Variants in TMEM117 observed in about 807,000 individuals in gnomAD.
TMEM117 encodes transmembrane protein 117.
TMEM117 carries 27 observed loss-of-function variants against 52.4 expected under a neutral mutation model. That is an observed-to-expected ratio of 0.51 (90% CI 0.38 to 0.71). The LOEUF (loss-of-function observed/expected upper bound fraction) is 0.71. TMEM117 is among the 30% of genes least tolerant of loss of function. The pLI, the probability that TMEM117 is intolerant of heterozygous loss-of-function variation, is 0.00. For synonymous variants in TMEM117, 215 were observed against 206.3 expected, an observed-to-expected ratio of 1.04 and a Z score of -0.36; for missense variants, 556 against 630.5, an observed-to-expected ratio of 0.88 and a Z score of 1.26.
the TMEM117 span, chr12:43,806,426 T>TGGCCGCCGGGCTGCGGTCC: frequency 3.5e-6 from 4 of 1,130,992 alleles, no homozygotes; most frequent in African/African-American, 4.9e-5. Flanking sequence ...CCGCCCTTCC[T>TGGCCGCCGGGCTGCGGTCC]GGCCGCCGGG....
chr12:44,035,101 C>T (rs768583261), intron 3 of TMEM117, among the ~76,000 whole-genome samples: 3 of 152,178 alleles, frequency 2.0e-5, no homozygotes, highest in Admixed American at 6.5e-5. Flanking sequence ...CTGAGTCTCG[C>T]GCTTGCAGAT....
At chr12:44,230,574 C>T (rs1254703107) in intron 5 of TMEM117, among the ~76,000 whole-genome samples, 1 of 152,050 alleles carries the variant, frequency 6.6e-6, no homozygotes, top group Non-Finnish European at 1.5e-5. Context: ...CTGCCTACAT[C>T]CTTTCTTCCT....
intron 3 of TMEM117, among the ~76,000 whole-genome samples, chr12:44,069,190 A>G (rs1261517794): frequency 6.6e-6 from 1 of 152,216 alleles, no homozygotes; most frequent in African/African-American, 2.4e-5. Context: ...AAAATGTTAC[A>G]TTTTTATGGT....
intron 5 of TMEM117, among the ~76,000 whole-genome samples, chr12:44,215,029 A>G (rs963970807): frequency 3.3e-5 from 5 of 152,186 alleles, no homozygotes; most frequent in African/African-American, 1.2e-4. Context: ...GTATTTACAT[A>G]CTTTATGTCA....
chr12:43,842,180 AT>A (rs5797878), intron 1 of TMEM117, among the ~76,000 whole-genome samples: 2 of 151,944 alleles, frequency 1.3e-5, no homozygotes, highest in African/African-American at 4.8e-5. Flanking sequence ...ATAAAAGTTC[AT>A]TTTTTTTGTT....
chr12:44,396,961 A>G, the TMEM117 span, among the ~76,000 whole-genome samples: 1 of 152,198 alleles, frequency 6.6e-6, no homozygotes, highest in African/African-American at 2.4e-5. Context: ...TCTGCCAGTC[A>G]AATCCTTTCA....
At chr12:43,876,119 G>A (rs1420320975) in intron 2 of TMEM117, among the ~76,000 whole-genome samples, 1 of 152,166 alleles carries the variant, frequency 6.6e-6, no homozygotes, top group East Asian at 1.9e-4. Flanking sequence ...TGATCTGCAT[G>A]GTATCCAGTG....
chr12:44,311,811 A>ATG (rs1284434210), intron 6 of TMEM117, among the ~76,000 whole-genome samples: 6 of 103,844 alleles, frequency 5.8e-5, no homozygotes, highest in African/African-American at 2.9e-4. Context: ...ATATGTATAT[A>ATG]TGTATATATA....
At chr12:43,912,032 A>G (rs1177093750) in intron 2 of TMEM117, among the ~76,000 whole-genome samples, 1 of 119,582 alleles carries the variant, frequency 8.4e-6, no homozygotes, top group Non-Finnish European at 1.8e-5. Flanking sequence ...ATGCTGCTAT[A>G]AAGACACATG....
At chr12:43,995,711 G>A (rs1946018611) in intron 3 of TMEM117, among the ~76,000 whole-genome samples, 1 of 152,068 alleles carries the variant, frequency 6.6e-6, no homozygotes, top group South Asian at 2.1e-4. Flanking sequence ...CTAGTGATCT[G>A]GACTTTGTAT....
intron 2 of TMEM117, among the ~76,000 whole-genome samples, chr12:43,849,819 T>C (rs547473688): frequency 6.6e-6 from 1 of 152,304 alleles, no homozygotes; most frequent in South Asian, 2.1e-4. Context: ...TCCGAACTTG[T>C]CACCTCTCAT....
chr12:44,062,039 C>A (rs114051391), intron 3 of TMEM117, among the ~76,000 whole-genome samples: 128 of 152,192 alleles, frequency 8.4e-4, no homozygotes, highest in African/African-American at 2.9e-3. Context: ...ATGCCTAGAT[C>A]AACTTCATTA....
chr12:43,932,954 T>A (rs1944894962), intron 2 of TMEM117, among the ~76,000 whole-genome samples: 1 of 152,258 alleles, frequency 6.6e-6, no homozygotes, highest in African/African-American at 2.4e-5. Context: ...ATACTGTAAA[T>A]GTGGATGACA....
intron 3 of TMEM117, among the ~76,000 whole-genome samples, chr12:44,141,587 C>G (rs767427437): frequency 3.3e-5 from 5 of 152,044 alleles, no homozygotes; most frequent in African/African-American, 9.7e-5. Flanking sequence ...TCCACTCTAC[C>G]CCAAGATATT....
At chr12:44,022,745 A>G (rs964697686) in intron 3 of TMEM117, among the ~76,000 whole-genome samples, 3 of 152,218 alleles carry the variant, frequency 2.0e-5, no homozygotes, top group African/African-American at 4.8e-5. Flanking sequence ...AGTTTCCCCA[A>G]ATCATCAAAA....
At chr12:43,849,811 C>A (rs929999854) in intron 2 of TMEM117, among the ~76,000 whole-genome samples, 1 of 152,088 alleles carries the variant, frequency 6.6e-6, no homozygotes, top group African/African-American at 2.4e-5. Flanking sequence ...TGATGAACTC[C>A]GAACTTGTCA....
chr12:43,946,378 G>GTTTTTTTTTT (rs1244597058), intron 3 of TMEM117, among the ~76,000 whole-genome samples: 12 of 113,494 alleles, frequency 1.1e-4, no homozygotes, highest in Non-Finnish European at 1.6e-4. Context: ...ATATAATTCT[G>GTTTTTTTTTT]TTTTTTTTTT....
At chr12:44,215,787 G>A (rs898295601) in intron 5 of TMEM117, among the ~76,000 whole-genome samples, 2 of 151,576 alleles carry the variant, frequency 1.3e-5, no homozygotes, top group Non-Finnish European at 2.9e-5. Context: ...GTGGAAGAAG[G>A]GATTGGGAGA....
chr12:44,370,170 A>T lies in TMEM117; in HGVS notation c.769-6425A>T, dbSNP rs1699425012. 2.0e-5 allele frequency among the ~76,000 whole-genome samples: 3 copies of T among 152,316 alleles called. No individual in the cohort carries two copies. The South Asian group carries it at 6.2e-4, about 32-fold the overall frequency. On this transcript the variant is annotated intron_variant, in intron 6 of 7. Transcript: ENST00000266534. ...TGAACTTCTTTGTATTTACATGATG[A>T]CTAAAAGGGTGACTTGGTTCAACCC...
Sources: allele counts gnomAD v4.1 joint callset (sites outside exome capture counted in the v4.1 genomes callset), GRCh38; gene constraint gnomAD v4.1.1; transcripts MANE v1.5; gene names NCBI Gene and HGNC (gene_info 2026-07-23, HGNC 2026-07-21).